Variants in PSMA1 observed in about 807,000 individuals in gnomAD.
The protein encoded by PSMA1 is proteasome subunit alpha type-1.
Under a neutral mutation model 38.4 loss-of-function variants are expected in PSMA1, and 3 were observed. The ratio of observed to expected loss-of-function variants is 0.08; its 90% CI spans 0.04 to 0.20. The LOEUF (loss-of-function observed/expected upper bound fraction) is 0.20. PSMA1 is among the 10% of genes least tolerant of loss of function. The pLI, the probability that PSMA1 is intolerant of heterozygous loss-of-function variation, is 1.00. For synonymous variants in PSMA1, 101 were observed against 107.1 expected (o/e 0.94, Z 0.35); for missense variants, 227 against 325.3 (o/e 0.70, Z 2.32).
At chr11:14,528,462 A>G (rs1041069773) in intron 2 of PSMA1, among the ~76,000 whole-genome samples, 1 of 152,064 alleles carries the variant, frequency 6.6e-6, no homozygotes, top group Non-Finnish European at 1.5e-5. Flanking sequence ...ATCTTTCTTC[A>G]GTTGAATCTC....
chr11:14,530,377 C>T (rs1851634478), intron 2 of PSMA1, among the ~76,000 whole-genome samples: 1 of 152,314 alleles, frequency 6.6e-6, no homozygotes, highest in East Asian at 1.9e-4. Context: ...TGGTTTTCCA[C>T]TTTATTATAA....
chr11:14,517,350 T>C (rs769377353), intron 4 of PSMA1, among the ~76,000 whole-genome samples: 3 of 152,212 alleles, frequency 2.0e-5, no homozygotes, highest in Non-Finnish European at 2.9e-5. Flanking sequence ...CAGACAAAAG[T>C]ATCACGTTCT....
intron 2 of PSMA1, among the ~76,000 whole-genome samples, chr11:14,588,606 G>A (rs1471753058): frequency 6.6e-6 from 1 of 152,142 alleles, no homozygotes. Flanking sequence ...TAGGAAGGAT[G>A]GACAAGAGTG....
At chr11:14,511,490 A>G (rs1441386598) in intron 7 of PSMA1, among the ~76,000 whole-genome samples, 1 of 148,262 alleles carries the variant, frequency 6.7e-6, no homozygotes, top group Non-Finnish European at 1.5e-5. Context: ...TATCCCAAGA[A>G]TAAGTTAGTT....
chr11:14,505,479 G>T (rs141335225), intron 9 of PSMA1, among the ~76,000 whole-genome samples: 2 of 152,044 alleles, frequency 1.3e-5, no homozygotes, highest in African/African-American at 4.8e-5. Context: ...AATACAGTTG[G>T]CTCGAACAAC....
chr11:14,538,977 T>C (rs1394742589), intron 2 of PSMA1, among the ~76,000 whole-genome samples: 3 of 152,384 alleles, frequency 2.0e-5, no homozygotes, highest in South Asian at 4.1e-4. Context: ...AAGTGGGAAC[T>C]TCTCTGAAGT....
chr11:14,569,531 A>C (rs536877108), intron 2 of PSMA1, among the ~76,000 whole-genome samples: 7 of 152,338 alleles, frequency 4.6e-5, no homozygotes, highest in African/African-American at 1.7e-4. Flanking sequence ...CTTTTCCATC[A>C]GTCTTAGCAA....
At chr11:14,571,657 A>G (rs1210664603) in intron 2 of PSMA1, among the ~76,000 whole-genome samples, 1 of 152,236 alleles carries the variant, frequency 6.6e-6, no homozygotes, top group African/African-American at 2.4e-5. Flanking sequence ...AAATTCACAC[A>G]TAACAATATT....
chr11:14,610,990 A>G, exon 2 of PSMA1: 1 of 1,613,114 alleles, frequency 6.2e-7, no homozygotes, highest in Non-Finnish European at 8.5e-7. Flanking sequence ...GCTGCATAAC[A>G]TTTCCAGGAG....
chr11:14,615,479 T>TTGGATTGG (rs1472660525), intron 1 of PSMA1, among the ~76,000 whole-genome samples: 2 of 152,202 alleles, frequency 1.3e-5, no homozygotes, highest in Non-Finnish European at 2.9e-5. Flanking sequence ...CTTCCAGGCC[T>TTGGATTGG]TGGATTGGCA....
intron 1 of PSMA1, among the ~76,000 whole-genome samples, chr11:14,615,970 G>T (rs1852767605): frequency 6.6e-6 from 1 of 152,188 alleles, no homozygotes; most frequent in East Asian, 1.9e-4. Context: ...TAACCTGAGG[G>T]ACATGGGATT....
chr11:14,582,687 T>G (rs1196455976), intron 2 of PSMA1, among the ~76,000 whole-genome samples: 1 of 151,030 alleles, frequency 6.6e-6, no homozygotes, highest in Non-Finnish European at 1.5e-5. Context: ...CCAGCTAATT[T>G]TTTTTTTTTT....
intron 8 of PSMA1, 92 bp from the exon 9 acceptor site, chr11:14,507,858 AT>A: frequency 2.3e-6 from 2 of 851,938 alleles, no homozygotes; most frequent in Non-Finnish European, 3.7e-6. Context: ...CAGAATAAGA[AT>A]TTATATAGCA....
chr11:14,569,550 C>G (rs1401587550), intron 2 of PSMA1, among the ~76,000 whole-genome samples: 1 of 152,348 alleles, frequency 6.6e-6, no homozygotes, highest in East Asian at 1.9e-4. Context: ...AAATGGCACA[C>G]CAGAGATTAT....
At chr11:14,556,697 T>A (rs1167021662) in intron 2 of PSMA1, among the ~76,000 whole-genome samples, 12 of 152,234 alleles carry the variant, frequency 7.9e-5, no homozygotes, top group Admixed American at 7.9e-4. Flanking sequence ...TACTTTTAAA[T>A]CTGTTATCCA....
At chr11:14,629,294 G>C (rs1852966671) in intron 1 of PSMA1, among the ~76,000 whole-genome samples, 1 of 152,088 alleles carries the variant, frequency 6.6e-6, no homozygotes, top group South Asian at 2.1e-4. Context: ...GGTTTTTATG[G>C]TTTTAGGTCT....
At chr11:14,566,093 G>A (rs930200103) in intron 2 of PSMA1, among the ~76,000 whole-genome samples, 1 of 152,340 alleles carries the variant, frequency 6.6e-6, no homozygotes, top group African/African-American at 2.4e-5. Context: ...GTGAGCAAGG[G>A]AAAGTGGTAA....
chr11:14,597,630 T>C (rs536707768), intron 2 of PSMA1, among the ~76,000 whole-genome samples: 3 of 152,314 alleles, frequency 2.0e-5, no homozygotes, highest in Admixed American at 6.5e-5. Context: ...TTGATTCTTC[T>C]CTTTTCTTCT....
chr11:14,514,366 A>C (rs1286066581), intron 5 of PSMA1, 37 bp downstream of exon 5: 1 of 1,565,512 alleles, frequency 6.4e-7, no homozygotes, highest in Non-Finnish European at 8.7e-7. Flanking sequence ...AAACCCTTCA[A>C]AGTTCATATC....
Sources: allele counts gnomAD v4.1 joint callset (sites outside exome capture counted in the v4.1 genomes callset), GRCh38; gene constraint gnomAD v4.1.1; transcripts MANE v1.5; gene names NCBI Gene and HGNC (gene_info 2026-07-23, HGNC 2026-07-21).